Variants in TATDN1 observed in about 807,000 individuals in gnomAD.
TATDN1 encodes the protein TatD DNase domain containing 1, also known as deoxyribonuclease TATDN1.
Under a neutral mutation model 46.4 loss-of-function variants are expected in TATDN1, and 40 were observed. The observed-to-expected ratio is 0.86, with a 90% confidence interval of 0.67 to 1.12. The LOEUF (loss-of-function observed/expected upper bound fraction) is 1.12, where lower values mean the gene tolerates loss of function less well. Ranked by LOEUF, TATDN1 falls within the 50% of genes most tolerant of loss-of-function variation. TATDN1 has a pLI of 0.00. For missense variants in TATDN1, 326 were observed against 348.4 expected (o/e 0.94, Z 0.51); for synonymous variants, 95 against 105.6 (o/e 0.90, Z 0.62).
intron 1 of TATDN1, among the ~76,000 whole-genome samples, chr8:124,532,400 C>T (rs1200417448): frequency 1.3e-5 from 2 of 152,216 alleles, no homozygotes; most frequent in Non-Finnish European, 2.9e-5. Context: ...TCTCCTGCCT[C>T]AGCCTCCCAC....
intron 8 of TATDN1, among the ~76,000 whole-genome samples, chr8:124,506,250 G>T (rs1220524097): frequency 7.0e-6 from 1 of 143,698 alleles, no homozygotes; most frequent in Non-Finnish European, 1.5e-5. Flanking sequence ...CAAAAGAATT[G>T]CTTGAACTTG....
At chr8:124,533,263 A>C (rs563011429) in intron 1 of TATDN1, among the ~76,000 whole-genome samples, 334 of 151,908 alleles carry the variant, frequency 2.2e-3, no homozygotes, top group African/African-American at 7.4e-3. Flanking sequence ...AAAAAAAAAA[A>C]CGCAAAATGG....
chr8:124,489,915 A>T (rs192766152), intron 11 of TATDN1: 6 of 152,362 alleles, frequency 3.9e-5, no homozygotes, highest in Admixed American at 3.9e-4. Flanking sequence ...GAGATCTAAG[A>T]TTAATGGGAA....
At chr8:124,491,975 C>CT (rs374261084) in intron 11 of TATDN1, among the ~76,000 whole-genome samples, 22,341 of 136,468 alleles carry the variant, frequency 0.16, 2,188 homozygotes, top group East Asian at 0.35. Flanking sequence ...CTTCACAGTT[C>CT]TTTTTTTTTT....
intron 1 of TATDN1, among the ~76,000 whole-genome samples, chr8:124,523,825 T>A (rs1311112318): frequency 6.6e-6 from 1 of 151,836 alleles, no homozygotes; most frequent in African/African-American, 2.4e-5. Context: ...AAGGGAGAGG[T>A]CAGAAGACAC....
At chr8:124,534,145 CAAAAAAAAAAAAAAAAAAAA>C (rs869060230) in intron 1 of TATDN1, among the ~76,000 whole-genome samples, 2 of 51,266 alleles carry the variant, frequency 3.9e-5, no homozygotes, top group African/African-American at 2.0e-4. Context: ...GACTCCGTCT[CAAAAAAAAAAAAAAAAAAAA>C]AAAAAAAAAA....
intron 6 of TATDN1, among the ~76,000 whole-genome samples, chr8:124,511,434 G>A (rs1479804749): frequency 6.6e-6 from 1 of 152,132 alleles, no homozygotes; most frequent in African/African-American, 2.4e-5. Flanking sequence ...AAATCTTCTT[G>A]TTGTAGTTTT....
At chr8:124,489,641 C>T (rs1028553480) in intron 11 of TATDN1, 4 of 152,148 alleles carry the variant, frequency 2.6e-5, no homozygotes, top group Non-Finnish European at 5.9e-5. Context: ...TCTTGAACTC[C>T]TGACCTTGTG....
Position 124,531,793 on chromosome 8 carries a change from G to A in TATDN1, c.22+7232C>T, listed in dbSNP as rs529474671. Among the ~76,000 whole-genome samples the A allele has an allele frequency of 7.2e-5, 11 of 152,282 alleles. No homozygotes were observed. The East Asian group carries it at 7.7e-4, about 11-fold the overall frequency. ...GTAGATATTGCAAAGTTTACATAGC[G>A]GTGGGGCAAGAGCTGGAGAGAGCCA... On this transcript the variant is annotated intron_variant, in intron 1 of 11. Transcript: ENST00000276692.
intron 8 of TATDN1, 30 bp downstream of exon 8, chr8:124,508,444 C>G (rs768826331): frequency 2.5e-6 from 4 of 1,593,352 alleles, no homozygotes; most frequent in Non-Finnish European, 3.4e-6. Flanking sequence ...GATGTTCAAC[C>G]TGTATTAAAA....
chr8:124,507,551 G>C (rs2131419383), intron 8 of TATDN1, among the ~76,000 whole-genome samples: 1 of 152,282 alleles, frequency 6.6e-6, no homozygotes, highest in Admixed American at 6.5e-5. Flanking sequence ...GGAAGCCAGG[G>C]TGGGCAGATT....
At chr8:124,501,996 T>G (rs1253639690) in intron 9 of TATDN1, among the ~76,000 whole-genome samples, 1 of 152,172 alleles carries the variant, frequency 6.6e-6, no homozygotes, top group African/African-American at 2.4e-5. Context: ...AAATTCTCAA[T>G]GAAAATGATT....
chr8:124,507,154 C>G (rs1818524303), intron 8 of TATDN1, among the ~76,000 whole-genome samples: 2 of 150,286 alleles, frequency 1.3e-5, no homozygotes, highest in Admixed American at 1.3e-4. Context: ...GAGCGAGACT[C>G]CATCTCAAAA....
intron 1 of TATDN1, among the ~76,000 whole-genome samples, chr8:124,531,334 T>C (rs1820935377): frequency 6.6e-6 from 1 of 152,168 alleles, no homozygotes. Context: ...GGGAGAGCTT[T>C]AGGCAAGGAC....
At chr8:124,504,536 C>G (rs1310048354) in intron 8 of TATDN1, 189 bp from the exon 9 acceptor site, 1 of 386,422 alleles carries the variant, frequency 2.6e-6, no homozygotes, top group Non-Finnish European at 4.6e-6. Flanking sequence ...GTCATCATCT[C>G]CAGTGACATG....
At chr8:124,516,202 TAAAC>T (rs1177238561) in intron 4 of TATDN1, among the ~76,000 whole-genome samples, 172 bp from the exon 5 acceptor site, 1 of 152,180 alleles carries the variant, frequency 6.6e-6, no homozygotes, top group Non-Finnish European at 1.5e-5. Flanking sequence ...TTAGAATACC[TAAAC>T]AAAGTAGGAG....
At chr8:124,522,807 A>C in intron 2 of TATDN1, 130 bp downstream of exon 2, 1 of 775,850 alleles carries the variant, frequency 1.3e-6, no homozygotes, top group Non-Finnish European at 2.2e-6. Context: ...CTCCTGCCTC[A>C]GACTCCCAAA....
At chr8:124,538,870 C>T (rs1821745675) in intron 1 of TATDN1, 155 bp downstream of exon 1, 2 of 770,236 alleles carry the variant, frequency 2.6e-6, no homozygotes, top group Admixed American at 4.2e-5. Context: ...CAGAGCATTA[C>T]CAGCACCCAG....
Position 124,539,004 on chromosome 8 carries a change from C to T in TATDN1, c.22+21G>A. ...GGGACAAGTCAGAAAGACCCAAGGG[C>T]GTGGAAAACGCTCCTCTTACCGATA... On this transcript the variant is annotated intron_variant, in intron 1 of 11. Coordinates refer to ENST00000276692, the MANE Select transcript of TATDN1 (RefSeq NM_032026.4). 5 of 1,613,324 alleles carry T rather than the reference C, an allele frequency of 3.1e-6. No individual in the cohort carries two copies. In the South Asian group the frequency reaches 5.5e-5, roughly 18 times the overall value.
Sources: gnomAD v4.1 joint callset for allele counts (sites outside exome capture counted in the v4.1 genomes callset) on GRCh38, gnomAD v4.1.1 for gene constraint, MANE v1.5 for transcripts, NCBI Gene and HGNC (gene_info 2026-07-23, HGNC 2026-07-21) for gene names.